The following RAPH1 variants were observed in gnomAD, a reference collection of about 807,000 sequenced individuals.
RAPH1 encodes the protein Ras association (RalGDS/AF-6) and pleckstrin homology domains 1.
In RAPH1, 18 loss-of-function variants were observed where a neutral mutation model predicts 88.1. That is an observed-to-expected ratio of 0.20 (90% CI 0.14 to 0.30). The LOEUF (loss-of-function observed/expected upper bound fraction) is 0.30, where lower values mean the gene tolerates loss of function less well. Among genes scored for constraint, RAPH1 ranks in the 10% least tolerant of loss-of-function variants. The pLI is 1.00. For synonymous variants in RAPH1, 587 were observed against 559.0 expected (o/e 1.05, Z -0.71); for missense variants, 1,448 against 1,543.2 (o/e 0.94, Z 1.03).
chr2:203,504,496 C>A (rs1409522100), intron 1 of RAPH1, among the ~76,000 whole-genome samples: 1 of 152,144 alleles, frequency 6.6e-6, no homozygotes, highest in African/African-American at 2.4e-5. Flanking sequence ...GCACAGGGAT[C>A]CTGGGCCCGG....
chr2:203,509,550 A>C (rs1313016888), intron 1 of RAPH1, among the ~76,000 whole-genome samples: 1 of 152,210 alleles, frequency 6.6e-6, no homozygotes, highest in South Asian at 2.1e-4. Flanking sequence ...TGTTACTGTC[A>C]GAACAAAAGG....
chr2:203,468,435 T>C (rs574402393), intron 4 of RAPH1, among the ~76,000 whole-genome samples: 3 of 152,290 alleles, frequency 2.0e-5, no homozygotes, highest in African/African-American at 7.2e-5. Context: ...CCAGGCTGGT[T>C]TCTTTGCATC....
chr2:203,445,037 G>C, intron 12 of RAPH1, 27 bp from the exon 13 acceptor site: 1 of 1,599,654 alleles, frequency 6.3e-7, no homozygotes, highest in Non-Finnish European at 8.5e-7. Context: ...TTTAAACATA[G>C]GTTTAAAAGA....
At chr2:203,478,451 A>T (rs1687570599) in intron 4 of RAPH1, among the ~76,000 whole-genome samples, 1 of 151,956 alleles carries the variant, frequency 6.6e-6, no homozygotes, top group Non-Finnish European at 1.5e-5. Context: ...CCCTCCATAC[A>T]ATAAATTATC....
intron 1 of RAPH1, among the ~76,000 whole-genome samples, chr2:203,500,416 G>A (rs1049528552): frequency 9.9e-5 from 15 of 152,142 alleles, no homozygotes. Flanking sequence ...ACAGACTCAT[G>A]GAAAATGAGG....
At chr2:203,525,977 T>C (rs1690096860) in intron 1 of RAPH1, among the ~76,000 whole-genome samples, 1 of 152,030 alleles carries the variant, frequency 6.6e-6, no homozygotes, top group Non-Finnish European at 1.5e-5. Flanking sequence ...AAATGTTGTA[T>C]ACCTTGCTGG....
intron 2 of RAPH1, among the ~76,000 whole-genome samples, chr2:203,492,881 C>T (rs1688334214): frequency 6.6e-6 from 1 of 151,826 alleles, no homozygotes; most frequent in Admixed American, 6.6e-5. Flanking sequence ...AACCCTCTTC[C>T]AGAAAAATGC....
At chr2:203,503,349 G>A (rs926605311) in intron 1 of RAPH1, among the ~76,000 whole-genome samples, 1 of 152,158 alleles carries the variant, frequency 6.6e-6, no homozygotes, top group African/African-American at 2.4e-5. Context: ...GGTTTAACTG[G>A]ACGTACAGTT....
At chr2:203,502,609 C>T (rs1366844770) in intron 1 of RAPH1, among the ~76,000 whole-genome samples, 1 of 144,490 alleles carries the variant, frequency 6.9e-6, no homozygotes, top group Non-Finnish European at 1.5e-5. Flanking sequence ...ATCACGAGGT[C>T]AGGAGATTGA....
intron 1 of RAPH1, among the ~76,000 whole-genome samples, chr2:203,512,455 C>T (rs1162488441): frequency 2.6e-5 from 4 of 151,750 alleles, no homozygotes; most frequent in Non-Finnish European, 4.4e-5. Flanking sequence ...GAAATCCAAC[C>T]AGAGATGGAT....
chr2:203,513,162 T>C (rs1219232669), intron 1 of RAPH1, among the ~76,000 whole-genome samples: 1 of 151,228 alleles, frequency 6.6e-6, no homozygotes, highest in Admixed American at 6.6e-5. Flanking sequence ...AACTTTGAGT[T>C]AAATCATTTA....
Position 203,454,529 on chromosome 2 carries a change from A to T in RAPH1, c.1314T>A (p.Asp438Glu), listed in dbSNP as rs2098517613. ...GATCCAGCTGGAGAAAGCACACCAG[A>T]TCCCGAGAGACCTAAGATAAAAACA... Reference protein sequence around the residue: ...VPKGKAKVSRDLVCFLQLDHV... With the variant: ...VPKGKAKVSRELVCFLQLDHV... The change falls in exon 10 of 14, where the codon GAT becomes GAA. Residue 438 changes from aspartate (D) to glutamate (E), a missense_variant. Physicochemically the swap from Asp to Glu is conservative, Grantham distance 45. Coordinates refer to ENST00000319170, the MANE Select transcript of RAPH1 (RefSeq NM_213589.3). The T allele has an allele frequency of 6.2e-7, 1 of 1,612,476 alleles. No homozygotes were observed.
intron 12 of RAPH1, chr2:203,446,221 T>TC (rs770171527): frequency 6.6e-6 from 1 of 152,218 alleles, no homozygotes; most frequent in Non-Finnish European, 1.5e-5. Flanking sequence ...GGAATAGTGG[T>TC]CAGGTATCTT....
intron 1 of RAPH1, among the ~76,000 whole-genome samples, chr2:203,509,232 G>A (rs1040532051): frequency 6.6e-6 from 1 of 151,738 alleles, no homozygotes; most frequent in African/African-American, 2.4e-5. Flanking sequence ...CACCACACCT[G>A]ACTAATTTTT....
rs188170801 is a variant in RAPH1 at position 203,499,385 on chromosome 2, A to T, written c.1-4032T>A. On this transcript the variant is annotated intron_variant, in intron 1 of 13. Coordinates refer to ENST00000319170, the MANE Select transcript of RAPH1 (RefSeq NM_213589.3). ...AAGTTACTTTTGCCAATTTTGTCCT[A>T]TTTTCAATTTGTCCCTATGTGGATT... is the stretch of plus-strand genomic sequence containing the variant. 3.4e-3 allele frequency among the ~76,000 whole-genome samples: 512 copies of T among 151,844 alleles called. 3 individuals are homozygous for T. The highest frequency in any genetic ancestry group is 0.012 in the African/African-American group (483 of 41,396).
chr2:203,435,518 T>C lies in RAPH1; in HGVS notation c.*3919A>G, dbSNP rs558678175. On this transcript the variant is annotated 3_prime_UTR_variant, in exon 14 of 14. Coordinates refer to ENST00000319170, the MANE Select transcript of RAPH1 (RefSeq NM_213589.3). ...ATAATTTATACAAATGTAAAGTGTA[T>C]ATTAAAAAAAAAAAAGTGAAAGTTA... 51 of 148,114 alleles carry C rather than the reference T, an allele frequency of 3.4e-4. 2 individuals are homozygous for C. The East Asian group carries it at 8.7e-3, about 25-fold the overall frequency. The allele number at this position is 148,114 out of a possible 1,614,324, so 9.2% of individuals were successfully genotyped here.
intron 4 of RAPH1, among the ~76,000 whole-genome samples, chr2:203,469,839 G>A (rs1233917075): frequency 2.0e-5 from 3 of 152,184 alleles, no homozygotes; most frequent in Non-Finnish European, 4.4e-5. Context: ...TTAATTAAAT[G>A]AGGAGGTGAT....
chr2:203,491,371 T>TA, intron 2 of RAPH1, 52 bp from the exon 3 acceptor site: 1 of 1,242,286 alleles, frequency 8.0e-7, no homozygotes, highest in East Asian at 2.5e-5. Flanking sequence ...TTCAATAATA[T>TA]AAAAAAAGAT....
chr2:203,467,748 A>G (rs2098529749), intron 4 of RAPH1, among the ~76,000 whole-genome samples: 1 of 152,014 alleles, frequency 6.6e-6, no homozygotes, highest in Non-Finnish European at 1.5e-5. Context: ...CCAAGGAATG[A>G]CTGTGGTTTA....
Sources: gnomAD v4.1 joint callset for allele counts (sites outside exome capture counted in the v4.1 genomes callset) on GRCh38, gnomAD v4.1.1 for gene constraint, MANE v1.5 for transcripts, NCBI Gene and HGNC (gene_info 2026-07-23, HGNC 2026-07-21) for gene names.